The following CHADL variants were observed in gnomAD, a reference collection of about 807,000 sequenced individuals.
CHADL encodes the protein chondroadherin like.
Under a neutral mutation model 52.1 loss-of-function variants are expected in CHADL, and 48 were observed. The ratio of observed to expected loss-of-function variants is 0.92; its 90% CI spans 0.73 to 1.17. The LOEUF (loss-of-function observed/expected upper bound fraction) is 1.17, where lower values mean the gene tolerates loss of function less well. CHADL is among the 50% of genes most tolerant of loss of function. CHADL has a pLI of 0.00. For missense variants in CHADL, 977 were observed against 1,035.1 expected (o/e 0.94, Z 0.77); for synonymous variants, 498 against 511.2 (o/e 0.97, Z 0.35).
rs1298893437 is a variant in CHADL at position 41,238,060 on chromosome 22, C to T, written c.1012G>A (p.Gly338Arg). 7.1e-6 allele frequency: 9 copies of T among 1,275,308 alleles called. No homozygotes were observed. Among genetic ancestry groups the T allele is most frequent in the Non-Finnish European group, 8.8e-6 (9 of 1,018,888 alleles). The allele number at this position is 1,275,308 out of a possible 1,614,324, so 79.0% of individuals were successfully genotyped here. The change falls in exon 3 of 6, where the codon GGG becomes AGG. Residue 338 changes from glycine (G) to arginine (R), a missense_variant. Gly to Arg is a moderately radical substitution (Grantham distance 125). Transcript: ENST00000216241. The surrounding 1 kb of genome is among the most constrained non-coding windows in gnomAD (Gnocchi z 4.9). ...ARVRSDGACQGPRRLRGEALD... is the reference protein window; with the variant it reads ...ARVRSDGACQRPRRLRGEALD... ...GCCTCGCCCCGCAGGCGCCGCGGCCCCTGGCACGCGCCGTCCGAGCGCACG... is the reference window on the plus strand; with the variant it reads ...GCCTCGCCCCGCAGGCGCCGCGGCCTCTGGCACGCGCCGTCCGAGCGCACG...
chr22:41,239,485 G>C lies in CHADL; in HGVS notation c.144C>G (p.Cys48Trp), dbSNP rs1374623437. ...GCACCTCAGTGAGGTTCTGGTACCG[G>C]CAGGCAACGTGTCGCCTGGAGTTGT... is the stretch of plus-strand genomic sequence containing the variant. Reference protein sequence around the residue: ...ICDNSRRHVACRYQNLTEVPD... With the variant: ...ICDNSRRHVAWRYQNLTEVPD... Residue 48 changes from cysteine to tryptophan, a missense_variant, in exon 2 of 6, where the codon TGC (cysteine) becomes TGG (tryptophan). Transcript: ENST00000216241. 6.4e-7 allele frequency: 1 copy of C among 1,550,694 alleles called. No homozygotes were observed. The highest frequency in any genetic ancestry group is 2.0e-5 in the Admixed American group (1 of 50,940).
At chr22:41,236,720 G>T in intron 3 of CHADL, 70 bp from the exon 4 acceptor site, 1 of 1,400,924 alleles carries the variant, frequency 7.1e-7, no homozygotes, top group Non-Finnish European at 9.6e-7. Flanking sequence ...CTGGAAGGGA[G>T]CCCCATCTTC....
chr22:41,238,135 A>G lies in CHADL; in HGVS notation c.937T>C (p.Trp313Arg). 1 of 1,403,012 alleles carries G rather than the reference A, an allele frequency of 7.1e-7. No individual in the cohort carries two copies. The highest frequency in any genetic ancestry group is 1.5e-5 in the African/African-American group (1 of 66,016). The allele number at this position is 1,403,012 out of a possible 1,614,324, so 86.9% of individuals were successfully genotyped here. Residue 313 changes from tryptophan to arginine, a missense_variant, in exon 3 of 6, where the codon TGG (tryptophan) becomes CGG (arginine). Coordinates refer to ENST00000216241, the MANE Select transcript of CHADL (RefSeq NM_138481.2). This position sits in a 1 kb window ranked among gnomAD's most constrained non-coding sequence, Gnocchi z 4.9. ...RRLRLQGNPLWCGCQARPLLE... is the reference protein window; with the variant it reads ...RRLRLQGNPLRCGCQARPLLE... ...AGGGGCCGCGCCTGGCAGCCGCACC[A>G]CAGCGGATTCCCCTGCAGCCGCAGC...
intron 5 of CHADL, among the ~76,000 whole-genome samples, chr22:41,234,380 A>ATTATTG (rs1203976983): frequency 6.8e-6 from 1 of 145,988 alleles, no homozygotes; most frequent in African/African-American, 2.6e-5. Context: ...TATTATTATT[A>ATTATTG]TTATTATTAT....
chr22:41,234,364 C>CATTATTATTATTATT (rs71200674), intron 5 of CHADL, among the ~76,000 whole-genome samples: 4 of 139,342 alleles, frequency 2.9e-5, no homozygotes, highest in African/African-American at 8.0e-5. Flanking sequence ...GGAGGATGGA[C>CATTATTATTATTATT]ATTATTATTA....
rs930238812 is a variant in CHADL, at chr22:41,230,183, C to T, written c.2263-453G>A. The T allele has an allele frequency of 2.5e-5, 41 of 1,613,332 alleles. No homozygotes were observed. The highest frequency in any genetic ancestry group is 3.3e-5 in the Non-Finnish European group (39 of 1,179,912). On this transcript the variant is annotated intron_variant, in intron 5 of 5. Transcript: ENST00000216241. ...GGAAGAGCATCTAGACGTGGCCTCGCCCGACAAGGCTTCAAGTCCAGAGCT... is the reference window on the plus strand; with the variant it reads ...GGAAGAGCATCTAGACGTGGCCTCGTCCGACAAGGCTTCAAGTCCAGAGCT...
At chr22:41,236,700 AC>A in intron 3 of CHADL, 50 bp from the exon 4 acceptor site, 1 of 1,492,896 alleles carries the variant, frequency 6.7e-7, no homozygotes, top group Non-Finnish European at 9.0e-7. Flanking sequence ...GAGCTGTCCC[AC>A]CCCCAAGTCT....
Position 41,237,179 on chromosome 22 carries a change from C to T in CHADL, c.1893G>A (p.Glu631=), listed in dbSNP as rs531090486. 3.9e-6 allele frequency: 6 copies of T among 1,538,706 alleles called. No homozygotes were observed. In the South Asian group the frequency reaches 6.0e-5, roughly 15 times the overall value. The change falls in exon 3 of 6, where the codon GAG becomes GAA. Residue 631 remains glutamate, a synonymous_variant. Transcript: ENST00000216241. ...QHLFLNSSGL[E]QICPGAFSGL... is the part of the protein sequence containing the mutation. ...CCGCCAGATGCCCAGTGCCCACCTG[C>T]TCCAGGCCACTGCTGTTCAGGAAGA...
chr22:41,237,820 C>T lies in CHADL; in HGVS notation c.1252G>A (p.Ala418Thr), dbSNP rs1401898666. ...HSSCEGCGLQ[A>T]VPRGFPSDTQ... Reference sequence around the variant, plus strand: ...TCGCTGGGGAAGCCGCGGGGCACCGCCTGCAGGCCGCAGCCCTCGCAGCTG... The same window carrying T: ...TCGCTGGGGAAGCCGCGGGGCACCGTCTGCAGGCCGCAGCCCTCGCAGCTG... The change falls in exon 3 of 6, where the codon GCG (alanine) becomes ACG (threonine). Residue 418 changes from alanine to threonine, a missense_variant. Physicochemically the swap from Ala to Thr is moderately conservative, Grantham distance 58. Transcript: ENST00000216241. 1.3e-6 allele frequency: 2 copies of T among 1,483,020 alleles called. No homozygotes were observed. Among genetic ancestry groups the T allele is most frequent in the East Asian group, 2.5e-5 (1 of 39,734 alleles). 91.9% of individuals were successfully genotyped at this position (1,483,020 alleles called of 1,614,324 possible). A position where few individuals can be genotyped will look rare whatever the true frequency, so the allele number is the denominator to read the frequency against.
intron 4 of CHADL, 39 bp from the exon 5 acceptor site, chr22:41,235,382 T>G: frequency 6.6e-7 from 1 of 1,525,606 alleles, no homozygotes; most frequent in Non-Finnish European, 8.9e-7. Context: ...GCTGTGCTGA[T>G]TCTGCTCCAG....
At chr22:41,232,445 T>C (rs569208763) in intron 5 of CHADL, among the ~76,000 whole-genome samples, 3 of 152,224 alleles carry the variant, frequency 2.0e-5, no homozygotes, top group Admixed American at 6.5e-5. Context: ...GAGCATCTTC[T>C]GGGTGCCAGA....
intron 5 of CHADL, among the ~76,000 whole-genome samples, chr22:41,231,511 G>GT (rs2032587806): frequency 6.6e-6 from 1 of 152,262 alleles, no homozygotes; most frequent in Non-Finnish European, 1.5e-5. Flanking sequence ...CCGCCTGTGC[G>GT]TAGCACCTGG....
intron 5 of CHADL, chr22:41,230,391 G>T: frequency 1.5e-6 from 1 of 670,990 alleles, no homozygotes; most frequent in Non-Finnish European, 2.6e-6. Context: ...AAGGCTGGAC[G>T]GTGGAGGACC....
Position 41,238,666 on chromosome 22 carries a change from ACGAGCCCAG to A in CHADL, c.397_405del (p.Gly134_Leu136del). ...TTCCCCTCCAGCTCCAGCCGCCGCA[ACGAGCCCAG>A]CCCGTCCAGCGCCTCCTGGGGCAGC... On this transcript the variant is annotated inframe_deletion, in exon 3 of 6. Coordinates refer to ENST00000216241, the MANE Select transcript of CHADL (RefSeq NM_138481.2). This position sits in a 1 kb window ranked among gnomAD's most constrained non-coding sequence, Gnocchi z 4.9. The A allele has an allele frequency of 1.3e-6, 2 of 1,544,824 alleles. No individual in the cohort carries two copies. The highest frequency in any genetic ancestry group is 1.7e-6 in the Non-Finnish European group (2 of 1,145,764).
chr22:41,230,242 AGAC>A, intron 5 of CHADL: 1 of 1,613,516 alleles, frequency 6.2e-7, no homozygotes, highest in Non-Finnish European at 8.5e-7. Flanking sequence ...AGCAGGAAAC[AGAC>A]GACTGAGCCT....
At position 41,237,487 on chromosome 22, in the gene CHADL, G is replaced by A; in HGVS notation, c.1585C>T (p.Gln529Ter). The A allele has an allele frequency of 6.4e-7, 1 of 1,550,538 alleles. No homozygotes were observed. The highest frequency in any genetic ancestry group is 8.7e-7 in the Non-Finnish European group (1 of 1,146,934). The change falls in exon 3 of 6, where the codon CAG becomes TAG. Residue 529 changes from glutamine to a stop codon, truncating the protein, a stop_gained. Transcript: ENST00000216241. LOFTEE classifies it high-confidence loss of function. ...GCCAGGCGGTCCACAGCGTTGTCCTGCAGGTGCAGGGAGAAGAGGCTGGGC... is the reference window on the plus strand; with the variant it reads ...GCCAGGCGGTCCACAGCGTTGTCCTACAGGTGCAGGGAGAAGAGGCTGGGC... ...ALPSLFSLHL[Q>*]DNAVDRLAPG... is the part of the protein sequence containing the mutation.
chr22:41,240,910 A>G lies in CHADL; in HGVS notation c.-29T>C. ...GCCTGGAACTGCTGGTCCAGCCTGG[A>G]GGCGCAGCGCAGGGACAGGCTGTCC... On this transcript the variant is annotated 5_prime_UTR_variant, in exon 1 of 6. Coordinates refer to ENST00000216241, the MANE Select transcript of CHADL (RefSeq NM_138481.2). 6.5e-7 allele frequency: 1 copy of G among 1,547,754 alleles called. No homozygotes were observed.
intron 5 of CHADL, chr22:41,230,456 C>A: frequency 1.8e-6 from 1 of 543,630 alleles, no homozygotes; most frequent in South Asian, 2.4e-5. Context: ...GTGGAAAGGT[C>A]TATATGACGG....
At chr22:41,229,965 T>G (rs544945916) in intron 5 of CHADL, among the ~76,000 whole-genome samples, 1 of 152,280 alleles carries the variant, frequency 6.6e-6, no homozygotes, top group South Asian at 2.1e-4. Flanking sequence ...CCTGCCTGGC[T>G]TGGGGCCTTG....
Sources: gnomAD v4.1 joint callset for allele counts (sites outside exome capture counted in the v4.1 genomes callset) on GRCh38, gnomAD v4.1.1 for gene constraint, Gnocchi (gnomAD v3.1) non-coding constraint, MANE v1.5 for transcripts, NCBI Gene and HGNC (gene_info 2026-07-23, HGNC 2026-07-21) for gene names.